The following CCND3 variants were observed in gnomAD, a reference collection of about 807,000 sequenced individuals.
The protein encoded by CCND3 is cyclin D3, also known as G1/S-specific cyclin-D3.
In CCND3, 9 loss-of-function variants were observed where a neutral mutation model predicts 28.7. That is an observed-to-expected ratio of 0.31 (90% CI 0.19 to 0.55). The LOEUF (loss-of-function observed/expected upper bound fraction) is 0.55. CCND3 is among the 20% of genes least tolerant of loss of function. The pLI, the probability that CCND3 is intolerant of heterozygous loss-of-function variation, is 0.93. For missense variants in CCND3, 315 were observed against 385.8 expected, an observed-to-expected ratio of 0.82 and a Z score of 1.54; for synonymous variants, 164 against 163.9, an observed-to-expected ratio of 1.00 and a Z score of 0.00.
At chr6:42,035,087 C>T (rs565883209) in intron 1 of CCND3, among the ~76,000 whole-genome samples, 1 of 152,290 alleles carries the variant, frequency 6.6e-6, no homozygotes, top group South Asian at 2.1e-4. Context: ...TGCCAGTCAT[C>T]CAGGCTGAAA....
chr6:42,032,090 C>T (rs373428236), intron 1 of CCND3, among the ~76,000 whole-genome samples: 31 of 152,060 alleles, frequency 2.0e-4, no homozygotes, highest in African/African-American at 7.0e-4. Flanking sequence ...TGCACCTGGC[C>T]GACTCTTTTT....
At chr6:42,046,809 C>G (rs1764558975) in intron 1 of CCND3, among the ~76,000 whole-genome samples, 1 of 152,176 alleles carries the variant, frequency 6.6e-6, no homozygotes, top group African/African-American at 2.4e-5. Flanking sequence ...CACAGACTCC[C>G]TTTAGGAAAC....
intron 2 of CCND3, among the ~76,000 whole-genome samples, chr6:41,940,045 T>A (rs1196336083): frequency 6.6e-6 from 1 of 152,122 alleles, no homozygotes; most frequent in Non-Finnish European, 1.5e-5. Flanking sequence ...GGTGGCTGCG[T>A]AAACCCAGAG....
At chr6:42,025,267 G>C (rs1399271264) in intron 1 of CCND3, among the ~76,000 whole-genome samples, 2 of 152,158 alleles carry the variant, frequency 1.3e-5, no homozygotes, top group African/African-American at 4.8e-5. Flanking sequence ...GCAAGGCCAA[G>C]AGGGGCCCAG....
chr6:41,942,606 G>A (rs774266793), upstream of CCND3, among the ~76,000 whole-genome samples: 7 of 152,248 alleles, frequency 4.6e-5, 1 homozygote, highest in African/African-American at 1.7e-4. Flanking sequence ...TCTGTTTGGA[G>A]AAACTGTGGA....
upstream of CCND3, among the ~76,000 whole-genome samples, chr6:41,945,954 G>A (rs1776156865): frequency 6.6e-6 from 1 of 152,118 alleles, no homozygotes; most frequent in African/African-American, 2.4e-5. Flanking sequence ...ACCCCTCTAA[G>A]AAAAGCAAAA....
chr6:41,999,484 A>G, intron 1 of CCND3, among the ~76,000 whole-genome samples: 1 of 152,142 alleles, frequency 6.6e-6, no homozygotes, highest in South Asian at 2.1e-4. Context: ...GATTACAGGC[A>G]TGAGCCACCG....
Position 41,935,925 on chromosome 6 carries a change from A to AG in CCND3, c.*14dup. On this transcript the variant is annotated 3_prime_UTR_variant, in exon 5 of 5. Transcript: ENST00000372991. ...CTCCTCTGCTTAGTGGCCACTCCAG[A>AG]GGGCCTCTCCAGGGCTACAGGTGTA... The AG allele has an allele frequency of 6.2e-7, 1 of 1,601,500 alleles. No homozygotes were observed. The highest frequency in any genetic ancestry group is 8.5e-7 in the Non-Finnish European group (1 of 1,174,332).
intron 1 of CCND3, among the ~76,000 whole-genome samples, chr6:42,015,354 G>T (rs1763469119): frequency 6.6e-6 from 1 of 152,080 alleles, no homozygotes; most frequent in Non-Finnish European, 1.5e-5. Context: ...TGTGACAAGT[G>T]CTTGATATAC....
chr6:42,011,130 T>C (rs375309528), intron 1 of CCND3: 19 of 152,274 alleles, frequency 1.2e-4, no homozygotes, highest in African/African-American at 3.6e-4. Flanking sequence ...CACTGACTGA[T>C]TGATTGACTG....
chr6:42,027,758 G>T (rs10948006), intron 1 of CCND3, among the ~76,000 whole-genome samples: 49,110 of 150,940 alleles, frequency 0.33, 8,295 homozygotes, highest in East Asian at 0.42. Context: ...TTGTTTGTTT[G>T]TTTTTGAGAC....
rs1776008050 is a variant in CCND3 at position 41,941,337 on chromosome 6, T to G, written c.198+115A>C. 1 of 1,504,298 alleles carries G rather than the reference T, an allele frequency of 6.6e-7. No homozygotes were observed. Among genetic ancestry groups the G allele is most frequent in the South Asian group, 1.3e-5 (1 of 77,376 alleles). 93.2% of individuals were successfully genotyped at this position (1,504,298 alleles called of 1,614,324 possible). A position where few individuals can be genotyped will look rare whatever the true frequency, so the allele number is the denominator to read the frequency against. On this transcript the variant is annotated intron_variant, in intron 1 of 4. Coordinates refer to ENST00000372991, the MANE Select transcript of CCND3 (RefSeq NM_001760.5). The surrounding 1 kb of genome is among the most constrained non-coding windows in gnomAD (Gnocchi z 6.1). ...CTAGTGAAAGGCCAGGCCCCGGGAGTCTTAGCCTCGGAGCATCCTGCAGAT... is the reference window on the plus strand; with the variant it reads ...CTAGTGAAAGGCCAGGCCCCGGGAGGCTTAGCCTCGGAGCATCCTGCAGAT...
intron 1 of CCND3, chr6:41,940,926 C>T: frequency 6.3e-7 from 1 of 1,596,910 alleles, no homozygotes; most frequent in South Asian, 1.1e-5. Context: ...GGACCTCACC[C>T]CCATCACCGC....
chr6:41,946,344 C>T (rs553026312), upstream of CCND3, among the ~76,000 whole-genome samples: 14 of 151,978 alleles, frequency 9.2e-5, no homozygotes, highest in Middle Eastern at 3.4e-3. Flanking sequence ...CACCTGTAAT[C>T]CTAGCACGTT....
At chr6:41,987,477 T>TTCTC (rs71544258) in intron 1 of CCND3, among the ~76,000 whole-genome samples, 14 of 126,392 alleles carry the variant, frequency 1.1e-4, no homozygotes, top group African/African-American at 4.1e-4. Flanking sequence ...GACCAGGCTT[T>TTCTC]TCTCTCTCTC....
rs532596912 is a variant in CCND3, at chr6:41,936,763, G to A, written c.575-68C>T. 17 of 1,540,836 alleles carry A rather than the reference G, an allele frequency of 1.1e-5. No individual in the cohort carries two copies. The highest frequency in any genetic ancestry group is 9.5e-5 in the African/African-American group (7 of 73,480). The stretch of plus-strand genomic sequence containing the variant: ...AGGATAACGGCCAGCATGGACTTCC[G>A]ACTCCTTGGAAAGTGCCAGGCAGCA... On this transcript the variant is annotated intron_variant, in intron 3 of 4. Coordinates refer to ENST00000372991, the MANE Select transcript of CCND3 (RefSeq NM_001760.5). This position sits in a 1 kb window ranked among gnomAD's most constrained non-coding sequence, Gnocchi z 4.4.
chr6:42,008,107 G>A (rs996844326), intron 1 of CCND3, among the ~76,000 whole-genome samples: 53 of 152,078 alleles, frequency 3.5e-4, no homozygotes, highest in African/African-American at 1.2e-3. Context: ...TTGGCTAGGC[G>A]CGGTGGCTCA....
chr6:41,964,342 ATGTGTGTGAGTCTG>A (rs1761800279), intron 1 of CCND3, among the ~76,000 whole-genome samples: 1 of 124,390 alleles, frequency 8.0e-6, no homozygotes, highest in East Asian at 2.1e-4. Context: ...GTGTGTGTGA[ATGTGTGTGAGTCTG>A]TGTGTGTATG....
At chr6:42,029,101 T>A (rs1415673053) in intron 1 of CCND3, among the ~76,000 whole-genome samples, 3 of 151,888 alleles carry the variant, frequency 2.0e-5, no homozygotes, top group Non-Finnish European at 4.4e-5. Context: ...CTCAGCCTGC[T>A]GAGTAGCTAG....
Sources: allele counts gnomAD v4.1 joint callset (sites outside exome capture counted in the v4.1 genomes callset), GRCh38; gene constraint gnomAD v4.1.1; non-coding constraint Gnocchi (gnomAD v3.1); transcripts MANE v1.5; gene names NCBI Gene and HGNC (gene_info 2026-07-23, HGNC 2026-07-21).